MARCHF1: variants seen among roughly 807,000 people sequenced by gnomAD.
MARCHF1 encodes membrane associated ring-CH-type finger 1.
Under a neutral mutation model 54.2 loss-of-function variants are expected in MARCHF1, and 40 were observed. The ratio of observed to expected loss-of-function variants is 0.74; its 90% CI spans 0.57 to 0.96. The LOEUF (loss-of-function observed/expected upper bound fraction) is 0.96. MARCHF1 is among the 40% of genes least tolerant of loss of function. The pLI is 0.00. For missense variants in MARCHF1, 586 were observed against 656.5 expected, an observed-to-expected ratio of 0.89 and a Z score of 1.17; for synonymous variants, 236 against 236.3, an observed-to-expected ratio of 1.00 and a Z score of 0.01.
intron 2 of MARCHF1, among the ~76,000 whole-genome samples, chr4:164,091,660 A>C (rs1755304799): frequency 6.6e-6 from 1 of 152,016 alleles, no homozygotes. Context: ...ACCTATCTAC[A>C]AGTAGTTTAT....
At chr4:164,045,183 C>T (rs1219630620) in intron 2 of MARCHF1, among the ~76,000 whole-genome samples, 1 of 151,988 alleles carries the variant, frequency 6.6e-6, no homozygotes, top group African/African-American at 2.4e-5. Context: ...AAATTTTAAA[C>T]TTTCTAAATG....
chr4:164,189,028 G>C, intron 1 of MARCHF1: 1 of 692,978 alleles, frequency 1.4e-6, no homozygotes. Context: ...GGGAGGGGGA[G>C]AAGACATCCT....
At chr4:163,742,717 A>T (rs1014694194) in intron 4 of MARCHF1, among the ~76,000 whole-genome samples, 3 of 152,100 alleles carry the variant, frequency 2.0e-5, no homozygotes, top group Middle Eastern at 3.4e-3. Flanking sequence ...GGCTGGAATG[A>T]TCCTCCCACC....
At chr4:163,969,735 T>C (rs1752512597) in intron 3 of MARCHF1, among the ~76,000 whole-genome samples, 1 of 152,310 alleles carries the variant, frequency 6.6e-6, no homozygotes, top group South Asian at 2.1e-4. Flanking sequence ...ATGTAGCTTA[T>C]TAATCAATGC....
chr4:164,306,557 C>G lies in MARCHF1; in HGVS notation c.-323+77313G>C, dbSNP rs146236944. On this transcript the variant is annotated intron_variant, in intron 1 of 9. Transcript: ENST00000514618. ...ATTATTAGTAGTCACGTGAGTTCAG[C>G]CTACCTCTTAGGCCCTCCCCTGAAA... Among the ~76,000 whole-genome samples, 1,103 of 152,220 alleles carry G rather than the reference C, an allele frequency of 7.2e-3. 11 individuals carry two copies. The highest frequency in any genetic ancestry group is 0.025 in the African/African-American group (1,035 of 41,554).
rs757798174 is a variant in MARCHF1 at position 164,197,269 on chromosome 4, T to C, written c.-322-85607A>G. 4 of 1,611,180 alleles carry C rather than the reference T, an allele frequency of 2.5e-6. No homozygotes were observed. The African/African-American group carries it at 4.0e-5, about 16-fold the overall frequency. The stretch of plus-strand genomic sequence containing the variant: ...AATATCTGAGTAAGGGGCCTCCTTG[T>C]GGTCCCAGTAACAGCTGTCGAGATA... On this transcript the variant is annotated intron_variant, in intron 1 of 9. Transcript: ENST00000514618.
chr4:163,604,087 C>T (rs9999136), intron 7 of MARCHF1, among the ~76,000 whole-genome samples: 2,833 of 152,190 alleles, frequency 0.019, 84 homozygotes, highest in African/African-American at 0.064. Context: ...TTGCTAGTCA[C>T]AGGGTTCTTC....
chr4:163,533,680 A>AATAT (rs35349951), intron 9 of MARCHF1, among the ~76,000 whole-genome samples: 55,987 of 143,884 alleles, frequency 0.39, 11,070 homozygotes, highest in South Asian at 0.57. Context: ...TTTTATATAT[A>AATAT]ATATATATAT....
chr4:164,010,255 GTTT>G lies in MARCHF1; in HGVS notation c.-247-21549_-247-21547del, dbSNP rs200926227. On this transcript the variant is annotated intron_variant, in intron 2 of 9. Coordinates refer to ENST00000514618, the MANE Select transcript of MARCHF1 (RefSeq NM_001394959.1). ...CGTTTTTTTTTGTTGTTGTTTTTTG[GTTT>G]TTTTTTTTTTCTGTATTTTTAGTAG... Among the ~76,000 whole-genome samples the G allele has an allele frequency of 3.4e-5, 5 of 145,094 alleles. 1 individual carries two copies. Among genetic ancestry groups the G allele is most frequent in the Non-Finnish European group, 7.6e-5 (5 of 66,112 alleles).
intron 1 of MARCHF1, among the ~76,000 whole-genome samples, chr4:164,260,703 C>A (rs1003448143): frequency 2.6e-5 from 4 of 152,220 alleles, no homozygotes; most frequent in African/African-American, 9.6e-5. Context: ...AGACCAACTT[C>A]ATTAGACCTA....
intron 2 of MARCHF1, among the ~76,000 whole-genome samples, chr4:163,992,891 G>A (rs576877965): frequency 6.6e-6 from 1 of 151,842 alleles, no homozygotes; most frequent in South Asian, 2.1e-4. Flanking sequence ...AAGGTACACT[G>A]AGTTGGAAAA....
intron 1 of MARCHF1, among the ~76,000 whole-genome samples, chr4:164,204,149 A>C (rs962285563): frequency 2.2e-4 from 33 of 152,156 alleles, no homozygotes; most frequent in African/African-American, 7.2e-4. Flanking sequence ...TAGTTGATAG[A>C]TAGGTGCTAA....
chr4:164,305,320 TGTTGAGTA>T (rs1263769216), intron 1 of MARCHF1, among the ~76,000 whole-genome samples: 3 of 152,164 alleles, frequency 2.0e-5, no homozygotes, highest in African/African-American at 7.2e-5. Flanking sequence ...AAAGATTAAC[TGTTGAGTA>T]GTGAGTTCAA....
chr4:163,865,008 G>T (rs1230069202), intron 3 of MARCHF1, among the ~76,000 whole-genome samples: 1 of 151,812 alleles, frequency 6.6e-6, no homozygotes, highest in Non-Finnish European at 1.5e-5. Context: ...TTTTTCAAAA[G>T]TACTCACCTC....
intron 3 of MARCHF1, among the ~76,000 whole-genome samples, chr4:163,883,737 T>C (rs1259739278): frequency 6.6e-6 from 1 of 152,232 alleles, no homozygotes; most frequent in African/African-American, 2.4e-5. Flanking sequence ...GTTTATCTGA[T>C]ACTCAAATGT....
intron 4 of MARCHF1, among the ~76,000 whole-genome samples, chr4:163,799,994 T>C (rs189791814): frequency 1.6e-4 from 24 of 152,236 alleles, no homozygotes; most frequent in African/African-American, 5.8e-4. Flanking sequence ...GTAATACATA[T>C]GCAGCCGGAG....
intron 1 of MARCHF1, among the ~76,000 whole-genome samples, chr4:164,344,458 TTGTGTGTGTGTG>T (rs144379635): frequency 2.5e-4 from 37 of 147,978 alleles, no homozygotes; most frequent in Non-Finnish European, 5.0e-4. Flanking sequence ...ATGCACGTGT[TTGTGTGTGTGTG>T]TGTGTGTGTG....
intron 8 of MARCHF1, among the ~76,000 whole-genome samples, chr4:163,570,225 C>G (rs141941582): frequency 6.6e-6 from 1 of 151,992 alleles, no homozygotes; most frequent in South Asian, 2.1e-4. Context: ...AAAATGTGCA[C>G]GCTACCCTCT....
chr4:163,872,811 G>A (rs1158542409), intron 3 of MARCHF1, among the ~76,000 whole-genome samples: 5 of 151,944 alleles, frequency 3.3e-5, no homozygotes, highest in African/African-American at 9.7e-5. Flanking sequence ...TTGGGAGGCA[G>A]AGGCGGGCGG....
Sources: gnomAD v4.1 joint callset for allele counts (sites outside exome capture counted in the v4.1 genomes callset) on GRCh38, gnomAD v4.1.1 for gene constraint, MANE v1.5 for transcripts, NCBI Gene and HGNC (gene_info 2026-07-23, HGNC 2026-07-21) for gene names.